Variants in CREB5 observed in about 807,000 individuals in gnomAD.
CREB5 encodes the protein cyclic AMP-responsive element-binding protein 5.
CREB5 carries 19 observed loss-of-function variants against 57.1 expected under a neutral mutation model. The ratio of observed to expected loss-of-function variants is 0.33; its 90% CI spans 0.23 to 0.49. The LOEUF (loss-of-function observed/expected upper bound fraction) is 0.49. Ranked by LOEUF, CREB5 falls within the 20% of genes least tolerant of loss-of-function variation. The pLI is 0.99. For missense variants in CREB5, 579 were observed against 671.6 expected, an observed-to-expected ratio of 0.86 and a Z score of 1.52; for synonymous variants, 238 against 238.3, an observed-to-expected ratio of 1.00 and a Z score of 0.01.
chr7:28,422,790 A>C (rs1337045760), intron 1 of CREB5, among the ~76,000 whole-genome samples: 1 of 152,214 alleles, frequency 6.6e-6, no homozygotes, highest in East Asian at 1.9e-4. Flanking sequence ...ATTCACATTC[A>C]TTGGATTCTC....
chr7:28,579,213 T>A (rs1463015623), intron 5 of CREB5, among the ~76,000 whole-genome samples: 1 of 152,238 alleles, frequency 6.6e-6, no homozygotes, highest in East Asian at 1.9e-4. Context: ...AACAAGCTCT[T>A]AGGAACAAGT....
At chr7:28,532,621 T>C (rs1196089236) in intron 4 of CREB5, among the ~76,000 whole-genome samples, 1 of 152,180 alleles carries the variant, frequency 6.6e-6, no homozygotes, top group African/African-American at 2.4e-5. Context: ...TTTTGTTTTT[T>C]AAGGAAATGG....
At chr7:28,553,570 A>G (rs1295978765) in intron 4 of CREB5, among the ~76,000 whole-genome samples, 3 of 152,194 alleles carry the variant, frequency 2.0e-5, no homozygotes, top group Non-Finnish European at 1.5e-5. Context: ...TCTGTATATG[A>G]AACCATAGAG....
chr7:28,509,885 C>T (rs896309473), intron 4 of CREB5, among the ~76,000 whole-genome samples: 2 of 152,184 alleles, frequency 1.3e-5, no homozygotes, highest in African/African-American at 4.8e-5. Context: ...CATGCCTCAG[C>T]CTCACTTGCA....
At position 28,818,187 on chromosome 7, in the gene CREB5, G is replaced by A. The variant is rs758371730; in HGVS notation, c.1363+8G>A. 7.5e-6 allele frequency: 12 copies of A among 1,597,336 alleles called. No homozygotes were observed. Among genetic ancestry groups the A allele is most frequent in the Non-Finnish European group, 1.0e-5 (12 of 1,168,660 alleles). ...AATCACAAGGATATCTAAGTAAGTC[G>A]CCGACTTTTTCACTTTTCTTTAGTG... On this transcript the variant is annotated splice_region_variant and intron_variant, in intron 10 of 10. Transcript: ENST00000357727.
chr7:28,729,253 A>G (rs1167192836), intron 7 of CREB5, among the ~76,000 whole-genome samples: 1 of 152,158 alleles, frequency 6.6e-6, no homozygotes, highest in East Asian at 1.9e-4. Context: ...TTAGGGAGAT[A>G]AAGCCATATT....
At chr7:28,477,816 C>T (rs1791146289) in intron 1 of CREB5, among the ~76,000 whole-genome samples, 1 of 152,138 alleles carries the variant, frequency 6.6e-6, no homozygotes. Flanking sequence ...TAGGAATCCC[C>T]CAAAACACAG....
chr7:28,580,429 CCACACACACACACA>C (rs70977058), intron 5 of CREB5, among the ~76,000 whole-genome samples: 11 of 130,878 alleles, frequency 8.4e-5, no homozygotes, highest in Admixed American at 4.5e-4. Context: ...TCCCCCCCCA[CCACACACACACACA>C]CACACACACA....
At chr7:28,568,228 A>C (rs891022071) in intron 4 of CREB5, among the ~76,000 whole-genome samples, 1 of 152,204 alleles carries the variant, frequency 6.6e-6, no homozygotes, top group Non-Finnish European at 1.5e-5. Flanking sequence ...CATATGTCTT[A>C]TATTTTTCTT....
At chr7:28,464,640 C>T (rs1790487064) in intron 1 of CREB5, among the ~76,000 whole-genome samples, 1 of 150,452 alleles carries the variant, frequency 6.6e-6, no homozygotes, top group South Asian at 2.1e-4. Flanking sequence ...TTGTCCTTTT[C>T]ATCAGGATTA....
At chr7:28,540,709 C>T (rs572241062) in intron 4 of CREB5, among the ~76,000 whole-genome samples, 11 of 152,242 alleles carry the variant, frequency 7.2e-5, no homozygotes, top group African/African-American at 2.4e-4. Flanking sequence ...TCTTAGATAG[C>T]TTTTAGGGTT....
rs1554281546 is a variant in CREB5, at chr7:28,658,955, A to ATATATATATATATATATATGTGTG, written c.465-59779_465-59778insGTGTGTATATATATATATATATAT. Among the ~76,000 whole-genome samples the ATATATATATATATATATATGTGTG allele has an allele frequency of 6.3e-5, 3 of 47,534 alleles. No homozygotes were observed. The East Asian group carries it at 1.2e-3, about 19-fold the overall frequency. 31.2% of individuals were successfully genotyped at this position (47,534 alleles called of 152,430 possible). On this transcript the variant is annotated intron_variant, in intron 5 of 10. Coordinates refer to ENST00000357727, the MANE Select transcript of CREB5 (RefSeq NM_182898.4). ...CTAAATATTATATGTGTGTGTGTGT[A>ATATATATATATATATATATGTGTG]TATATATATATATATATATATATAT...
intron 5 of CREB5, among the ~76,000 whole-genome samples, chr7:28,702,922 G>A (rs1479994499): frequency 6.6e-6 from 1 of 152,178 alleles, no homozygotes; most frequent in African/African-American, 2.4e-5. Context: ...GATGCTTCAA[G>A]GCCCTGGGGT....
intron 7 of CREB5, among the ~76,000 whole-genome samples, chr7:28,735,692 T>G (rs1310805574): frequency 6.6e-6 from 1 of 152,182 alleles, no homozygotes; most frequent in Non-Finnish European, 1.5e-5. Context: ...ACCTGGCATA[T>G]AGTTGCTAGA....
At chr7:28,371,753 C>G (rs1251359035) in intron 1 of CREB5, among the ~76,000 whole-genome samples, 1 of 152,152 alleles carries the variant, frequency 6.6e-6, no homozygotes, top group Non-Finnish European at 1.5e-5. Flanking sequence ...TTGCTCACTG[C>G]ACTTATTCTA....
intron 2 of CREB5, chr7:28,491,028 C>T (rs1791777355): frequency 5.6e-6 from 1 of 177,398 alleles, no homozygotes; most frequent in Non-Finnish European, 1.1e-5. Flanking sequence ...GCTGGGTGCT[C>T]GCCGGCAACC....
At chr7:28,572,250 CAG>C (rs1375789840) in intron 5 of CREB5, among the ~76,000 whole-genome samples, 1 of 152,208 alleles carries the variant, frequency 6.6e-6, no homozygotes, top group Non-Finnish European at 1.5e-5. Flanking sequence ...ATTCAAGAAA[CAG>C]AACATTAACC....
At chr7:28,752,627 C>A (rs994102420) in intron 7 of CREB5, among the ~76,000 whole-genome samples, 4 of 152,104 alleles carry the variant, frequency 2.6e-5, no homozygotes, top group Admixed American at 2.0e-4. Context: ...AAGGATTCAC[C>A]CCAGGATTCA....
chr7:28,542,576 G>C (rs777005999), intron 4 of CREB5, among the ~76,000 whole-genome samples: 16 of 152,122 alleles, frequency 1.1e-4, no homozygotes, highest in Non-Finnish European at 2.1e-4. Context: ...GAGTGCACGG[G>C]TGTGTGTGTG....
Sources: gnomAD v4.1 joint callset for allele counts (sites outside exome capture counted in the v4.1 genomes callset) on GRCh38, gnomAD v4.1.1 for gene constraint, MANE v1.5 for transcripts, NCBI Gene and HGNC (gene_info 2026-07-23, HGNC 2026-07-21) for gene names.